Variants in ANKRD11 observed in about 807,000 individuals in gnomAD.
ANKRD11 encodes ankyrin repeat domain 11.
A neutral mutation model predicts 195.7 loss-of-function variants in ANKRD11; 17 were observed. That is an observed-to-expected ratio of 0.09 (90% CI 0.06 to 0.13). ANKRD11 has a LOEUF of 0.13. ANKRD11 is among the 10% of genes least tolerant of loss of function. The pLI is 1.00. For synonymous variants in ANKRD11, 1,953 were observed against 1,528.1 expected (o/e 1.28, Z -6.49); for missense variants, 3,735 against 3,566.1 (o/e 1.05, Z -1.21).
chr16:89,440,956 G>A (rs893044365), intron 1 of ANKRD11, among the ~76,000 whole-genome samples: 3 of 152,166 alleles, frequency 2.0e-5, no homozygotes, highest in Non-Finnish European at 4.4e-5. Context: ...GTTTCCTTGC[G>A]GCCAGACACA....
At position 89,285,357 on chromosome 16, in the gene ANKRD11, G is replaced by T; in HGVS notation, c.1185C>A (p.Asn395Lys). The change falls in exon 9 of 13, where the codon AAC becomes AAA. Residue 395 changes from asparagine to lysine, a missense_variant. Physicochemically the swap from Asn to Lys is moderately conservative, Grantham distance 94. Transcript: ENST00000301030. This position sits in a 1 kb window ranked among gnomAD's most constrained non-coding sequence, Gnocchi z 5.6. ...KMEVKSYTKNNTIAPKKASHR... is the reference protein window; with the variant it reads ...KMEVKSYTKNKTIAPKKASHR... Reference sequence around the variant, plus strand: ...GGGACGCTTTCTTTGGTGCAATCGTGTTATTTTTAGTGTAACTTTTAACCT... The same window carrying T: ...GGGACGCTTTCTTTGGTGCAATCGTTTTATTTTTAGTGTAACTTTTAACCT... The T allele has an allele frequency of 1.9e-6, 3 of 1,614,056 alleles. No individual in the cohort carries two copies. Among genetic ancestry groups the T allele is most frequent in the Non-Finnish European group, 2.5e-6 (3 of 1,180,024 alleles).
At chr16:89,348,035 T>A (rs185357361) in intron 2 of ANKRD11, among the ~76,000 whole-genome samples, 1 of 152,040 alleles carries the variant, frequency 6.6e-6, no homozygotes, top group East Asian at 1.9e-4. Flanking sequence ...CTGGGCTCAA[T>A]GGATCTTCCC....
intron 7 of ANKRD11, chr16:89,287,229 T>G (rs1597472775): frequency 7.1e-6 from 4 of 565,626 alleles, no homozygotes; most frequent in Admixed American, 6.9e-5. Flanking sequence ...GGTGCGGCCC[T>G]CCTCGGGTTC....
intron 4 of ANKRD11, chr16:89,299,382 G>A (rs1313149859): frequency 7.2e-5 from 14 of 195,200 alleles, no homozygotes; most frequent in Non-Finnish European, 8.4e-5. Flanking sequence ...CCTGCCCTGT[G>A]TGGGGTGTGT....
At position 89,281,504 on chromosome 16, in the gene ANKRD11, G is replaced by A. The variant is rs142473716; in HGVS notation, c.5038C>T (p.Leu1680=). The stretch of plus-strand genomic sequence containing the variant: ...ACCTCTTTCATGTGAGGGCCTGCCA[G>A]CCAGTCTTTGGAGTCTGCACCTGAT... ...PASGADSKDW[L]AGPHMKEVLP... is the part of the protein sequence containing the mutation. Residue 1680 remains leucine (L), a synonymous_variant, in exon 9 of 13, where the codon CTG becomes TTG. Coordinates refer to ENST00000301030, the MANE Select transcript of ANKRD11 (RefSeq NM_013275.6). This position sits in a 1 kb window ranked among gnomAD's most constrained non-coding sequence, Gnocchi z 5.5. 1.0e-4 allele frequency: 163 copies of A among 1,614,256 alleles called. No homozygotes were observed. The highest frequency in any genetic ancestry group is 2.2e-5 in the East Asian group (1 of 44,882).
intron 3 of ANKRD11, among the ~76,000 whole-genome samples, chr16:89,307,751 C>G (rs1394456063): frequency 6.6e-6 from 1 of 152,266 alleles, no homozygotes; most frequent in South Asian, 2.1e-4. Context: ...TAGGCATCTT[C>G]CTTGGGGTCG....
At chr16:89,278,922 G>C in intron 9 of ANKRD11, 150 bp downstream of exon 9, 1 of 1,295,806 alleles carries the variant, frequency 7.7e-7, no homozygotes, top group Non-Finnish European at 1.1e-6. Flanking sequence ...CTCCACAGCA[G>C]AAGTGGGGCT....
At position 89,285,949 on chromosome 16, in the gene ANKRD11, G is replaced by A; in HGVS notation, c.892+90C>T. 2 of 1,597,342 alleles carry A rather than the reference G, an allele frequency of 1.3e-6. No individual in the cohort carries two copies. Among genetic ancestry groups the A allele is most frequent in the Non-Finnish European group, 1.7e-6 (2 of 1,168,984 alleles). Reference sequence around the variant, plus strand: ...AGCCCCCAGCATCCGAGGAGGAGCTGATCAGAGGGGCAACACTGTGCAAAC... The same window carrying A: ...AGCCCCCAGCATCCGAGGAGGAGCTAATCAGAGGGGCAACACTGTGCAAAC... On this transcript the variant is annotated intron_variant, in intron 8 of 12. Coordinates refer to ENST00000301030, the MANE Select transcript of ANKRD11 (RefSeq NM_013275.6). This position sits in a 1 kb window ranked among gnomAD's most constrained non-coding sequence, Gnocchi z 5.6.
Position 89,313,638 on chromosome 16 carries a change from G to C in ANKRD11, c.87+3295C>G, listed in dbSNP as rs912979712. On this transcript the variant is annotated intron_variant, in intron 3 of 12. Coordinates refer to ENST00000301030, the MANE Select transcript of ANKRD11 (RefSeq NM_013275.6). ...ACATAAAGCTATATCTGGAGAAAAG[G>C]GAGTTTATGGTAGAAGACTGAGCAG... The C allele has an allele frequency of 1.7e-5, 22 of 1,277,534 alleles. No individual in the cohort carries two copies. In the East Asian group the frequency reaches 1.2e-3, roughly 71 times the overall value. 79.1% of individuals were successfully genotyped at this position (1,277,534 alleles called of 1,614,324 possible). A position where few individuals can be genotyped will look rare whatever the true frequency, so the allele number is the denominator to read the frequency against.
At chr16:89,413,486 G>A (rs904417102) in intron 2 of ANKRD11, among the ~76,000 whole-genome samples, 6 of 152,114 alleles carry the variant, frequency 3.9e-5, no homozygotes, top group Admixed American at 6.5e-5. Context: ...TTAGCCGGGC[G>A]TGGTGGCGGG....
At chr16:89,315,897 G>C (rs527413455) in intron 3 of ANKRD11, among the ~76,000 whole-genome samples, 6 of 152,002 alleles carry the variant, frequency 3.9e-5, no homozygotes, top group Admixed American at 3.9e-4. Flanking sequence ...GAGCAGAGAG[G>C]CTGCAGCACA....
At chr16:89,478,327 T>G (rs1407557461) in intron 1 of ANKRD11, among the ~76,000 whole-genome samples, 1 of 151,882 alleles carries the variant, frequency 6.6e-6, no homozygotes, top group Non-Finnish European at 1.5e-5. Flanking sequence ...AAAGCCACAT[T>G]GGGGTTGGTT....
intron 2 of ANKRD11, among the ~76,000 whole-genome samples, chr16:89,397,070 T>G (rs185468109): frequency 2.9e-4 from 44 of 152,310 alleles, no homozygotes; most frequent in African/African-American, 1.0e-3. Context: ...ATGGGCTTAT[T>G]ATTCCTGTTG....
At chr16:89,453,570 T>C (rs2056287843) in intron 1 of ANKRD11, among the ~76,000 whole-genome samples, 3 of 152,142 alleles carry the variant, frequency 2.0e-5, no homozygotes, top group South Asian at 4.1e-4. Flanking sequence ...ATCACTTGTA[T>C]TGCATACTTT....
rs927993876 is a variant in ANKRD11, at chr16:89,319,781, G to A, written c.-59-2703C>T. The stretch of plus-strand genomic sequence containing the variant: ...CAGGACCCGCCTGCAGGCACCAGGC[G>A]TGCAGCACGCGGCCCACTCTAGAGT... On this transcript the variant is annotated intron_variant, in intron 2 of 12. Coordinates refer to ENST00000301030, the MANE Select transcript of ANKRD11 (RefSeq NM_013275.6). Among the ~76,000 whole-genome samples the A allele has an allele frequency of 5.3e-5, 8 of 152,250 alleles. No homozygotes were observed. In the East Asian group the frequency reaches 5.8e-4, roughly 11 times the overall value.
At chr16:89,385,083 A>T (rs1373585173) in intron 2 of ANKRD11, among the ~76,000 whole-genome samples, 1 of 151,480 alleles carries the variant, frequency 6.6e-6, no homozygotes, top group Admixed American at 6.6e-5. Context: ...ACGATATTTC[A>T]CCATGTTGGC....
intron 6 of ANKRD11, among the ~76,000 whole-genome samples, chr16:89,289,204 C>T (rs948846965): frequency 3.9e-5 from 6 of 152,062 alleles, no homozygotes; most frequent in Admixed American, 1.3e-4. Flanking sequence ...ACGGTGTGGC[C>T]GCACGCATCC....
intron 3 of ANKRD11, chr16:89,313,331 A>G (rs1277298089): frequency 5.4e-6 from 7 of 1,287,194 alleles, no homozygotes; most frequent in African/African-American, 3.0e-5. Context: ...GGATCAGAAC[A>G]CACTCAACGA....
Position 89,280,733 on chromosome 16 carries a change from C to A in ANKRD11, c.5809G>T (p.Gly1937Cys). The change falls in exon 9 of 13, where the codon GGT becomes TGT. Residue 1937 changes from glycine to cysteine, a missense_variant. Gly to Cys is a radical substitution (Grantham distance 159). Transcript: ENST00000301030. ...EPSYLEPLDE[G>C]PFSAVITEEP... Reference sequence around the variant, plus strand: ...TCGGTGATGACGGCGCTGAAGGGACCCTCGTCCAGCGGCTCCAGGTAGCTG... The same window carrying A: ...TCGGTGATGACGGCGCTGAAGGGACACTCGTCCAGCGGCTCCAGGTAGCTG... 1 of 1,613,444 alleles carries A rather than the reference C, an allele frequency of 6.2e-7. No individual in the cohort carries two copies. The highest frequency in any genetic ancestry group is 8.5e-7 in the Non-Finnish European group (1 of 1,179,904).
Sources: allele counts gnomAD v4.1 joint callset (sites outside exome capture counted in the v4.1 genomes callset), GRCh38; gene constraint gnomAD v4.1.1; non-coding constraint Gnocchi (gnomAD v3.1); transcripts MANE v1.5; gene names NCBI Gene and HGNC (gene_info 2026-07-23, HGNC 2026-07-21).